PDE8B: variants seen among roughly 807,000 people sequenced by gnomAD.
PDE8B encodes phosphodiesterase 8B.
PDE8B carries 26 observed loss-of-function variants against 101.3 expected under a neutral mutation model. The ratio of observed to expected loss-of-function variants is 0.26; its 90% CI spans 0.19 to 0.36. The LOEUF (loss-of-function observed/expected upper bound fraction) is 0.36, where lower values mean the gene tolerates loss of function less well. PDE8B is among the 10% of genes least tolerant of loss of function. PDE8B has a pLI of 1.00. For missense variants in PDE8B, 810 were observed against 1,163.1 expected (o/e 0.70, Z 4.42); for synonymous variants, 424 against 429.3 (o/e 0.99, Z 0.15).
the PDE8B span, among the ~76,000 whole-genome samples, chr5:77,181,009 C>T: frequency 6.8e-6 from 1 of 147,358 alleles, no homozygotes; most frequent in Admixed American, 6.7e-5. Context: ...TGTTTGCGCG[C>T]GCACCTCAGT....
At chr5:77,401,443 T>C (rs552426948) in intron 11 of PDE8B, among the ~76,000 whole-genome samples, 1 of 152,348 alleles carries the variant, frequency 6.6e-6, no homozygotes, top group South Asian at 2.1e-4. Context: ...TCAGCAAATA[T>C]TGGTAAATTG....
chr5:77,345,121 A>G (rs912550623), intron 7 of PDE8B, among the ~76,000 whole-genome samples, 190 bp downstream of exon 7: 4 of 152,232 alleles, frequency 2.6e-5, no homozygotes, highest in African/African-American at 7.2e-5. Flanking sequence ...ACAAAAAATT[A>G]TTACTTCAGA....
chr5:77,426,560 A>G lies in PDE8B; in HGVS notation c.*6A>G. On this transcript the variant is annotated 3_prime_UTR_variant, in exon 22 of 22. Transcript: ENST00000264917. Reference sequence around the variant, plus strand: ...GGCTTCCATCTGACAGCTAAAGCCAAGCCACAGAGGGGGCCTCTTGACCGA... The same window carrying G: ...GGCTTCCATCTGACAGCTAAAGCCAGGCCACAGAGGGGGCCTCTTGACCGA... 1 of 1,508,126 alleles carries G rather than the reference A, an allele frequency of 6.6e-7. No homozygotes were observed. The highest frequency in any genetic ancestry group is 9.2e-7 in the Non-Finnish European group (1 of 1,083,570). 93.4% of individuals were successfully genotyped at this position (1,508,126 alleles called of 1,614,324 possible).
chr5:77,418,723 C>T (rs1796054548), intron 18 of PDE8B, among the ~76,000 whole-genome samples: 1 of 152,164 alleles, frequency 6.6e-6, no homozygotes, highest in Non-Finnish European at 1.5e-5. Flanking sequence ...TATTTTTACC[C>T]TCCTACGAGG....
chr5:77,378,292 C>T (rs1439733808), intron 10 of PDE8B, among the ~76,000 whole-genome samples: 1 of 151,798 alleles, frequency 6.6e-6, no homozygotes, highest in Non-Finnish European at 1.5e-5. Flanking sequence ...AACCCTGTCT[C>T]TACTAAAAAT....
the PDE8B span, among the ~76,000 whole-genome samples, chr5:77,205,417 A>G: frequency 6.6e-6 from 1 of 152,160 alleles, no homozygotes; most frequent in East Asian, 1.9e-4. Context: ...GTGGCTTCCC[A>G]TGGCTTTCTT....
chr5:77,089,272 A>C, the PDE8B span: 3 of 152,644 alleles, frequency 2.0e-5, no homozygotes. Flanking sequence ...GTGCACATTC[A>C]AGGGATCTAG....
rs146924754 is a variant in PDE8B at position 77,266,079 on chromosome 5, C to T, written c.340-45915C>T. Reference sequence around the variant, plus strand: ...TGCCTTGGGGCACCCAGCTGTTCAGCGGCATTGTGGTGAAAGGGAAGTACA... The same window carrying T: ...TGCCTTGGGGCACCCAGCTGTTCAGTGGCATTGTGGTGAAAGGGAAGTACA... On this transcript the variant is annotated intron_variant, in intron 1 of 21. Transcript: ENST00000264917. Among the ~76,000 whole-genome samples the T allele has an allele frequency of 1.3e-3, 204 of 152,284 alleles. 3 individuals are homozygous for T. Among genetic ancestry groups the T allele is most frequent in the African/African-American group, 4.8e-3 (199 of 41,560 alleles).
At chr5:77,344,348 C>T (rs2150388939) in intron 6 of PDE8B, among the ~76,000 whole-genome samples, 1 of 152,332 alleles carries the variant, frequency 6.6e-6, no homozygotes, top group South Asian at 2.1e-4. Flanking sequence ...AGGTTATAAT[C>T]TCGCAGGACC....
At chr5:77,274,067 C>T (rs1332821940) in intron 1 of PDE8B, among the ~76,000 whole-genome samples, 1 of 152,158 alleles carries the variant, frequency 6.6e-6, no homozygotes, top group Non-Finnish European at 1.5e-5. Context: ...GGTGATCTGC[C>T]TGCCTCGGCC....
intron 3 of PDE8B, among the ~76,000 whole-genome samples, chr5:77,327,916 T>A (rs1338299178): frequency 6.6e-6 from 1 of 152,170 alleles, no homozygotes; most frequent in African/African-American, 2.4e-5. Context: ...ATGGAGAAGG[T>A]ACATTTTTTG....
chr5:77,245,836 T>TC (rs1294449774), intron 1 of PDE8B, among the ~76,000 whole-genome samples: 17 of 6,334 alleles, frequency 2.7e-3, no homozygotes, highest in African/African-American at 9.9e-3. Flanking sequence ...TCCTATAACC[T>TC]CCTCCCCCCC....
intron 1 of PDE8B, among the ~76,000 whole-genome samples, chr5:77,268,181 C>T (rs1762112324): frequency 6.6e-6 from 1 of 151,984 alleles, no homozygotes. Flanking sequence ...CATTTCCTCC[C>T]ATGTTCCTCT....
chr5:77,101,392 C>T, the PDE8B span, among the ~76,000 whole-genome samples: 1 of 152,168 alleles, frequency 6.6e-6, no homozygotes, highest in African/African-American at 2.4e-5. Flanking sequence ...AAACTATCAG[C>T]ATGCTGTTGC....
chr5:77,383,025 A>G (rs1244242745), intron 10 of PDE8B, among the ~76,000 whole-genome samples: 1 of 152,218 alleles, frequency 6.6e-6, no homozygotes, highest in East Asian at 1.9e-4. Context: ...TGTCTTCCAC[A>G]ATGGTTGAAC....
At chr5:77,089,753 C>T in the PDE8B span, among the ~76,000 whole-genome samples, 60 of 152,266 alleles carry the variant, frequency 3.9e-4, no homozygotes, top group Admixed American at 1.4e-3. Context: ...TCTCAGAAAA[C>T]TAAAGATAGA....
intron 7 of PDE8B, among the ~76,000 whole-genome samples, chr5:77,345,202 T>G: frequency 6.6e-6 from 1 of 152,252 alleles, no homozygotes; most frequent in East Asian, 1.9e-4. Flanking sequence ...AGATTGTCAC[T>G]CTGTCGCCCA....
chr5:77,285,067 C>G (rs1332756956), intron 1 of PDE8B, among the ~76,000 whole-genome samples: 1 of 152,140 alleles, frequency 6.6e-6, no homozygotes, highest in Non-Finnish European at 1.5e-5. Context: ...TAATTTTCCT[C>G]CCTTTCATTT....
chr5:77,138,318 G>A, the PDE8B span, among the ~76,000 whole-genome samples: 1 of 152,102 alleles, frequency 6.6e-6, no homozygotes, highest in South Asian at 2.1e-4. Context: ...GGTCTTAAAT[G>A]GATTAAATTT....
Sources: gnomAD v4.1 joint callset for allele counts (sites outside exome capture counted in the v4.1 genomes callset) on GRCh38, gnomAD v4.1.1 for gene constraint, MANE v1.5 for transcripts, NCBI Gene and HGNC (gene_info 2026-07-23, HGNC 2026-07-21) for gene names.